Variants in STARD9 observed in about 807,000 individuals in gnomAD.
STARD9 encodes StAR related lipid transfer domain containing 9, also known as stAR-related lipid transfer protein 9.
Under a neutral mutation model 399.8 loss-of-function variants are expected in STARD9, and 346 were observed. The ratio of observed to expected loss-of-function variants is 0.87; its 90% CI spans 0.79 to 0.95. The LOEUF (loss-of-function observed/expected upper bound fraction) is 0.95, where lower values mean the gene tolerates loss of function less well. Ranked by LOEUF, STARD9 falls within the 40% of genes least tolerant of loss-of-function variation. The pLI, the probability that STARD9 is intolerant of heterozygous loss-of-function variation, is 0.00. For synonymous variants in STARD9, 2,203 were observed against 2,143.5 expected (o/e 1.03, Z -0.77); for missense variants, 5,832 against 5,667.5 (o/e 1.03, Z -0.93).
chr15:42,578,106 A>ATTTTTTT (rs57016102), intron 1 of STARD9, among the ~76,000 whole-genome samples: 2 of 134,126 alleles, frequency 1.5e-5, no homozygotes, highest in African/African-American at 2.7e-5. Context: ...TTGACGCTCA[A>ATTTTTTT]TTTTTTTTTT....
chr15:42,674,573 T>C, intron 17 of STARD9, 82 bp downstream of exon 17: 3 of 1,349,446 alleles, frequency 2.2e-6, no homozygotes, highest in Middle Eastern at 3.5e-4. Flanking sequence ...TTGATGATGC[T>C]CTGAGAAGAA....
chr15:42,622,342 T>C (rs530178496), intron 3 of STARD9, among the ~76,000 whole-genome samples: 6 of 152,086 alleles, frequency 3.9e-5, no homozygotes, highest in African/African-American at 1.5e-4. Flanking sequence ...TAGCTCGCTC[T>C]CTCTCTCCCT....
intron 3 of STARD9, among the ~76,000 whole-genome samples, chr15:42,627,389 A>G (rs929590485): frequency 6.6e-6 from 1 of 152,230 alleles, no homozygotes; most frequent in Admixed American, 6.5e-5. Flanking sequence ...CGTAGTACTC[A>G]CATCAGGGTA....
Position 42,690,480 on chromosome 15 carries a change from TC to T in STARD9, c.8904del (p.Ser2969ProfsTer14). 3 of 1,537,250 alleles carry T rather than the reference TC, an allele frequency of 2.0e-6. No homozygotes were observed. Among genetic ancestry groups the T allele is most frequent in the Non-Finnish European group, 2.6e-6 (3 of 1,146,920 alleles). On this transcript the variant is annotated frameshift_variant, in exon 23 of 33. Coordinates refer to ENST00000290607, the MANE Select transcript of STARD9 (RefSeq NM_020759.3). LOFTEE classifies it high-confidence loss of function. ...TCAACCTGTTGCTACTCATGCTTAT[TC>T]CTCCCATTCCTCTACTTTACTGTGT... ...SSQPVATHAYSSHSSTLLCFR... is the reference protein window; with the variant it reads ...SSQPVATHAYXSHSSTLLCFR...
At chr15:42,601,341 G>T (rs890996132) in intron 3 of STARD9, among the ~76,000 whole-genome samples, 1 of 151,972 alleles carries the variant, frequency 6.6e-6, no homozygotes, top group Non-Finnish European at 1.5e-5. Flanking sequence ...CGACAAAACC[G>T]CCATCGTCAT....
In STARD9 at chr15:42,691,898, A is replaced by T. The variant is rs773734731; in HGVS notation, c.10320A>T (p.Lys3440Asn). The T allele has an allele frequency of 3.3e-6, 5 of 1,537,260 alleles. No individual in the cohort carries two copies. The highest frequency in any genetic ancestry group is 4.4e-6 in the Non-Finnish European group (5 of 1,146,910). ...LEQAQQGKRE[K>N]LGVQVRPENW... is the part of the protein sequence containing the mutation. ...AAGCCCAACAGGGAAAGCGAGAGAA[A>T]CTGGGTGTCCAGGTTAGGCCAGAAA... Residue 3440 changes from lysine to asparagine, a missense_variant, in exon 23 of 33, where the codon AAA becomes AAT. By Grantham distance (94) the Lys-to-Asn change is moderately conservative (BLOSUM62 0). Around this residue, in one of 2 missense-constraint regions of STARD9, gnomAD observed 5,828 missense variants for 5,651.1 expected, o/e 1.03. Coordinates refer to ENST00000290607, the MANE Select transcript of STARD9 (RefSeq NM_020759.3).
Position 42,691,989 on chromosome 15 carries a change from C to A in STARD9, c.10411C>A (p.Leu3471Met). 1 of 1,537,238 alleles carries A rather than the reference C, an allele frequency of 6.5e-7. No individual in the cohort carries two copies. Among genetic ancestry groups the A allele is most frequent in the Non-Finnish European group, 8.7e-7 (1 of 1,146,882 alleles). Residue 3471 changes from leucine (L) to methionine (M), a missense_variant, in exon 23 of 33, where the codon CTG becomes ATG. Transcript: ENST00000290607. ...FGSSDISPYALPWRPEEPARI... is the reference protein window; with the variant it reads ...FGSSDISPYAMPWRPEEPARI... ...CTCCAGTGACATCAGTCCCTATGCG[C>A]TGCCGTGGCGTCCGGAGGAGCCTGC...
intron 3 of STARD9, among the ~76,000 whole-genome samples, chr15:42,588,191 G>T (rs1050892387): frequency 6.6e-6 from 1 of 151,254 alleles, no homozygotes; most frequent in Non-Finnish European, 1.5e-5. Context: ...GGGGGTGTGT[G>T]AATGTGTTAA....
intron 9 of STARD9, among the ~76,000 whole-genome samples, chr15:42,658,326 C>G (rs943592293): frequency 2.7e-4 from 39 of 141,824 alleles, no homozygotes; most frequent in South Asian, 2.3e-4. Flanking sequence ...TGTACACTTA[C>G]AGTGTACAAA....
At chr15:42,638,652 A>T (rs1265972084) in intron 6 of STARD9, 48 bp from the exon 7 acceptor site, 15 of 1,328,570 alleles carry the variant, frequency 1.1e-5, no homozygotes, top group Non-Finnish European at 2.1e-6. Flanking sequence ...TGTTGTTTCT[A>T]CTTTTTTTCA....
chr15:42,692,608 T>C lies in STARD9; in HGVS notation c.11030T>C (p.Met3677Thr), dbSNP rs974566687. 2.0e-6 allele frequency: 3 copies of C among 1,537,204 alleles called. No individual in the cohort carries two copies. Among genetic ancestry groups the C allele is most frequent in the Non-Finnish European group, 2.6e-6 (3 of 1,146,918 alleles). The change falls in exon 23 of 33, where the codon ATG (methionine) becomes ACG (threonine). Residue 3677 changes from methionine to threonine, a missense_variant. Transcript: ENST00000290607. ...SAFDLASWTS[M>T]HNLSLHLSQL... ...TTTGATCTGGCCTCATGGACCAGCA[T>C]GCACAATCTGTCTCTCCACCTCTCA...
Position 42,694,325 on chromosome 15 carries a change from G to T in STARD9, c.12747G>T (p.Trp4249Cys). 6.6e-7 allele frequency: 1 copy of T among 1,523,596 alleles called. No individual in the cohort carries two copies. The highest frequency in any genetic ancestry group is 8.8e-7 in the Non-Finnish European group (1 of 1,139,146). The allele number at this position is 1,523,596 out of a possible 1,614,324, so 94.4% of individuals were successfully genotyped here. A position where few individuals can be genotyped will look rare whatever the true frequency, so the allele number is the denominator to read the frequency against. Residue 4249 changes from tryptophan (W) to cysteine (C), a missense_variant, in exon 23 of 33, where the codon TGG (tryptophan) becomes TGT (cysteine). Transcript: ENST00000290607. The stretch of plus-strand genomic sequence containing the variant: ...CTGATGAACCTGTGACATCCACCTG[G>T]AAGGAGCTCTATGCACGGTAAGGAC... ...LAADEPVTST[W>C]KELYARQKKA...
chr15:42,588,798 TTTTTTTTTTTTTTTTTTG>T, intron 3 of STARD9, among the ~76,000 whole-genome samples: 1 of 38,780 alleles, frequency 2.6e-5, no homozygotes, highest in African/African-American at 5.5e-5. Flanking sequence ...TTTTTTTTTT[TTTTTTTTTTTTTTTTTTG>T]GAGTGGGGGG....
At chr15:42,703,750 C>T (rs1206488518) in intron 26 of STARD9, among the ~76,000 whole-genome samples, 1 of 151,674 alleles carries the variant, frequency 6.6e-6, no homozygotes, top group Non-Finnish European at 1.5e-5. Flanking sequence ...TTCTTTCCTC[C>T]TCTGTATTTT....
Position 42,689,763 on chromosome 15 carries a change from G to A in STARD9, c.8185G>A (p.Val2729Met). 6.5e-7 allele frequency: 1 copy of A among 1,537,672 alleles called. No individual in the cohort carries two copies. The highest frequency in any genetic ancestry group is 1.2e-5 in the South Asian group (1 of 84,064). The change falls in exon 23 of 33, where the codon GTG (valine) becomes ATG (methionine). Residue 2729 changes from valine (V) to methionine (M), a missense_variant. By Grantham distance (21) the Val-to-Met change is conservative. This residue lies in a region of STARD9 where 5,828 missense variants were observed against 5,651.1 expected (regional missense o/e 1.03). Transcript: ENST00000290607. ...AGACAGTCCTCGTTCTTCAGCACCT[G>A]TGGAGGAGGTCAGGAGGGTAGTATC... ...APDSPRSSAP[V>M]EEVRRVVSKK... is the part of the protein sequence containing the mutation.
rs1465878893 is a variant in STARD9 at position 42,717,789 on chromosome 15, G to A, written c.13553G>A (p.Gly4518Asp). Residue 4518 changes from glycine (G) to aspartate (D), a missense_variant, in exon 29 of 33, where the codon GGC (glycine) becomes GAC (aspartate). Coordinates refer to ENST00000290607, the MANE Select transcript of STARD9 (RefSeq NM_020759.3). ...CTCTTCAGCTGCCAGGCAACTGCTG[G>A]CTGGAAGTAAGTTTGTTTAGGGTCC... is the stretch of plus-strand genomic sequence containing the variant. ...HNLFSCQATA[G>D]WNYQGEEQAV... 2.0e-6 allele frequency: 3 copies of A among 1,537,068 alleles called. No homozygotes were observed. The highest frequency in any genetic ancestry group is 4.9e-5 in the East Asian group (2 of 40,932).
chr15:42,639,553 C>T (rs2059491438), intron 7 of STARD9, among the ~76,000 whole-genome samples: 1 of 152,100 alleles, frequency 6.6e-6, no homozygotes, highest in Non-Finnish European at 1.5e-5. Context: ...TTTACCCTTC[C>T]AGGCCACTTA....
intron 3 of STARD9, among the ~76,000 whole-genome samples, chr15:42,611,552 A>G (rs2058850164): frequency 6.6e-6 from 1 of 152,164 alleles, no homozygotes; most frequent in African/African-American, 2.4e-5. Flanking sequence ...ATGACTAGAT[A>G]AAGACTCCCT....
At chr15:42,667,045 C>T (rs1027885942) in intron 15 of STARD9, among the ~76,000 whole-genome samples, 1 of 152,114 alleles carries the variant, frequency 6.6e-6, no homozygotes, top group Non-Finnish European at 1.5e-5. Context: ...AAACTCCTGG[C>T]CTCAGGTAAT....
Sources: allele counts gnomAD v4.1 joint callset (sites outside exome capture counted in the v4.1 genomes callset), GRCh38; gene constraint gnomAD v4.1.1; regional missense constraint gnomAD v4.1.1; transcripts MANE v1.5; gene names NCBI Gene and HGNC (gene_info 2026-07-23, HGNC 2026-07-21).